SLC12A2: variants seen among roughly 807,000 people sequenced by gnomAD.
The protein encoded by SLC12A2 is Na-K-2Cl cotransporter 1.
In SLC12A2, 67 loss-of-function variants were observed where a neutral mutation model predicts 136.3. That is an observed-to-expected ratio of 0.49 (90% CI 0.40 to 0.60). SLC12A2 has a LOEUF of 0.60. Ranked by LOEUF, SLC12A2 falls within the 20% of genes least tolerant of loss-of-function variation. The probability of loss-of-function intolerance (pLI) is 0.00; values close to 1 mark genes in which losing one functional copy is unlikely to be tolerated. For synonymous variants in SLC12A2, 619 were observed against 562.9 expected, an observed-to-expected ratio of 1.10 and a Z score of -1.41; for missense variants, 1,322 against 1,534.7, an observed-to-expected ratio of 0.86 and a Z score of 2.32.
At chr5:128,166,363 A>G (rs775154526) in intron 17 of SLC12A2, among the ~76,000 whole-genome samples, 2 of 152,122 alleles carry the variant, frequency 1.3e-5, no homozygotes, top group East Asian at 1.9e-4. Flanking sequence ...AGCATGAGCA[A>G]TAAAAGGGAT....
chr5:128,086,791 G>C (rs185725210), intron 1 of SLC12A2, among the ~76,000 whole-genome samples: 35 of 152,304 alleles, frequency 2.3e-4, no homozygotes, highest in African/African-American at 7.9e-4. Flanking sequence ...TGTCGAAAGA[G>C]GGGCAGACAG....
rs1317717702 is a variant in SLC12A2, at chr5:128,189,195, A to G, written c.*2564A>G. 2 of 152,150 alleles carry G rather than the reference A, an allele frequency of 1.3e-5. No individual in the cohort carries two copies. Among genetic ancestry groups the G allele is most frequent in the Admixed American group, 1.3e-4 (2 of 15,272 alleles). 9.4% of individuals were successfully genotyped at this position (152,150 alleles called of 1,614,324 possible). Reference sequence around the variant, plus strand: ...TCAACAATTCTTAGAGATGCTAGCTAGTGTTGAAGCTAAAAATAGCTTTAT... The same window carrying G: ...TCAACAATTCTTAGAGATGCTAGCTGGTGTTGAAGCTAAAAATAGCTTTAT... On this transcript the variant is annotated 3_prime_UTR_variant, in exon 27 of 27. Transcript: ENST00000262461.
chr5:128,181,551 G>C (rs770533471), intron 23 of SLC12A2, among the ~76,000 whole-genome samples: 1 of 152,130 alleles, frequency 6.6e-6, no homozygotes, highest in Non-Finnish European at 1.5e-5. Flanking sequence ...ATGGGTCAAA[G>C]GTAAGACATG....
At chr5:128,153,957 T>C (rs1193102010) in intron 15 of SLC12A2, among the ~76,000 whole-genome samples, 1 of 151,850 alleles carries the variant, frequency 6.6e-6, no homozygotes, top group African/African-American at 2.4e-5. Flanking sequence ...TGGATAGTGA[T>C]GTCAAGGATG....
chr5:128,144,835 A>G (rs1302822034), intron 10 of SLC12A2, among the ~76,000 whole-genome samples: 1 of 152,054 alleles, frequency 6.6e-6, no homozygotes, highest in East Asian at 1.9e-4. Flanking sequence ...TGAATCCCAA[A>G]TCATCTTCAA....
At position 128,184,696 on chromosome 5, in the gene SLC12A2, T is replaced by G. The variant is rs113631983; in HGVS notation, c.3436-93T>G. 2,881 of 1,581,196 alleles carry G rather than the reference T, an allele frequency of 1.8e-3. 40 individuals are homozygous for G. In the African/African-American group the frequency reaches 0.033, roughly 18 times the overall value. ...GATATTTTTATTACACGAAAATTCATTTCAGTTTCTTTTTGTCTCCTTATA... is the reference window on the plus strand; with the variant it reads ...GATATTTTTATTACACGAAAATTCAGTTCAGTTTCTTTTTGTCTCCTTATA... On this transcript the variant is annotated intron_variant, in intron 25 of 26. Transcript: ENST00000262461.
intron 10 of SLC12A2, among the ~76,000 whole-genome samples, chr5:128,147,173 T>C (rs1259050329): frequency 6.6e-6 from 1 of 151,102 alleles, no homozygotes; most frequent in Non-Finnish European, 1.5e-5. Flanking sequence ...CTGACTTGCC[T>C]TTTTTGTGGT....
intron 15 of SLC12A2, among the ~76,000 whole-genome samples, chr5:128,153,027 G>C (rs1193468925): frequency 6.6e-6 from 1 of 152,158 alleles, no homozygotes; most frequent in Non-Finnish European, 1.5e-5. Context: ...TGATGGGTAT[G>C]ATAAAGTCAA....
At chr5:128,109,463 C>T (rs1581068054) in intron 1 of SLC12A2, 1 of 469,174 alleles carries the variant, frequency 2.1e-6, no homozygotes, top group East Asian at 4.6e-5. Context: ...ATCCATGGAT[C>T]ATTTCGAGAG....
intron 17 of SLC12A2, among the ~76,000 whole-genome samples, chr5:128,165,645 A>G (rs991154282): frequency 2.6e-5 from 4 of 152,186 alleles, no homozygotes; most frequent in Non-Finnish European, 5.9e-5. Flanking sequence ...GGAATTTGCA[A>G]AGGATTTAGG....
intron 5 of SLC12A2, among the ~76,000 whole-genome samples, chr5:128,131,658 G>A (rs1188874887): frequency 6.6e-6 from 1 of 151,622 alleles, no homozygotes; most frequent in East Asian, 2.0e-4. Context: ...GAACTGAGAC[G>A]GCACCACTGC....
At chr5:128,134,131 T>C (rs1415666895) in intron 5 of SLC12A2, 34 bp from the exon 6 acceptor site, 2 of 1,083,888 alleles carry the variant, frequency 1.8e-6, no homozygotes, top group Non-Finnish European at 2.8e-6. Context: ...AAATAACTAG[T>C]ATTGCTTATT....
chr5:128,135,248 A>T lies in SLC12A2; in HGVS notation c.1300-452A>T, dbSNP rs78833890. 5.9e-3 allele frequency among the ~76,000 whole-genome samples: 891 copies of T among 151,946 alleles called. 3 individuals carry two copies. The highest frequency in any genetic ancestry group is 0.024 in the Middle Eastern group (7 of 294). ...TCATCTTCTTTCTGTACTTTTTCTTATTTTCCTGTAGCAATCACACACTCA... is the reference window on the plus strand; with the variant it reads ...TCATCTTCTTTCTGTACTTTTTCTTTTTTTCCTGTAGCAATCACACACTCA... On this transcript the variant is annotated intron_variant, in intron 6 of 26. Transcript: ENST00000262461.
intron 9 of SLC12A2, among the ~76,000 whole-genome samples, chr5:128,140,260 A>G (rs1388189574): frequency 6.6e-6 from 1 of 152,158 alleles, no homozygotes; most frequent in Non-Finnish European, 1.5e-5. Context: ...TAACCTCCCC[A>G]AGTGCTGGGA....
intron 20 of SLC12A2, among the ~76,000 whole-genome samples, chr5:128,175,672 T>C (rs1028752128): frequency 1.3e-5 from 2 of 151,998 alleles, no homozygotes; most frequent in African/African-American, 2.4e-5. Flanking sequence ...CTAATTAATA[T>C]ATGTTACGAT....
intron 1 of SLC12A2, chr5:128,110,136 C>T: frequency 1.1e-6 from 1 of 887,250 alleles, no homozygotes; most frequent in East Asian, 2.4e-5. Context: ...GGATGTCATA[C>T]TACTTTCTTT....
At chr5:128,138,935 G>A in intron 9 of SLC12A2, 27 bp downstream of exon 9, 1 of 1,501,072 alleles carries the variant, frequency 6.7e-7, no homozygotes. Context: ...TTCTTTATGT[G>A]TCGCAGAAAT....
chr5:128,085,235 A>G (rs982740370), intron 1 of SLC12A2, among the ~76,000 whole-genome samples: 1 of 152,102 alleles, frequency 6.6e-6, no homozygotes, highest in Non-Finnish European at 1.5e-5. Flanking sequence ...CAATTCTTGC[A>G]ATCTTGAATA....
chr5:128,094,847 G>T (rs1760465406), intron 1 of SLC12A2, among the ~76,000 whole-genome samples: 1 of 151,978 alleles, frequency 6.6e-6, no homozygotes, highest in Non-Finnish European at 1.5e-5. Context: ...AATTAACATT[G>T]TGTTAAAAAT....
Sources: gnomAD v4.1 joint callset for allele counts (sites outside exome capture counted in the v4.1 genomes callset) on GRCh38, gnomAD v4.1.1 for gene constraint, MANE v1.5 for transcripts, NCBI Gene and HGNC (gene_info 2026-07-23, HGNC 2026-07-21) for gene names.